TTLL7: variants seen among roughly 807,000 people sequenced by gnomAD.
TTLL7 encodes the protein tubulin polyglutamylase TTLL7.
In TTLL7, 53 loss-of-function variants were observed where a neutral mutation model predicts 120.2. The ratio of observed to expected loss-of-function variants is 0.44; its 90% confidence interval spans 0.35 to 0.55. TTLL7 has a LOEUF of 0.55. Ranked by LOEUF, TTLL7 falls within the 20% of genes least tolerant of loss-of-function variation. The probability of loss-of-function intolerance (pLI) is 0.00; values close to 1 mark genes in which losing one functional copy is unlikely to be tolerated. For missense variants in TTLL7, 803 were observed against 1,054.7 expected, an observed-to-expected ratio of 0.76 and a Z score of 3.31; for synonymous variants, 353 against 351.7, an observed-to-expected ratio of 1.00 and a Z score of -0.04.
chr1:83,921,380 C>T lies in TTLL7; in HGVS notation c.1157G>A (p.Arg386Lys), dbSNP rs1456463271. 1 of 1,611,164 alleles carries T rather than the reference C, an allele frequency of 6.2e-7. No homozygotes were observed. The highest frequency in any genetic ancestry group is 1.7e-5 in the Admixed American group (1 of 59,760). The change falls in exon 11 of 21, where the codon AGA becomes AAA. Residue 386 changes from arginine (R) to lysine (K), a missense_variant. By Grantham distance (26) the Arg-to-Lys change is conservative. Transcript: ENST00000260505. ...AGCTTTTTGTTTGGCCAAGTTTCTTCTTTTGTCACTGGTCCTAAAATATAA... is the reference window on the plus strand; with the variant it reads ...AGCTTTTTGTTTGGCCAAGTTTCTTTTTTTGTCACTGGTCCTAAAATATAA... ...KLLNIRTSDKRRNLAKQKAEA... is the reference protein window; with the variant it reads ...KLLNIRTSDKKRNLAKQKAEA...
At chr1:83,930,437 T>C (rs918001305) in intron 9 of TTLL7, among the ~76,000 whole-genome samples, 29 of 152,126 alleles carry the variant, frequency 1.9e-4, no homozygotes, top group African/African-American at 6.8e-4. Context: ...ATTTGTGATA[T>C]AGTCTCAAGG....
At chr1:83,892,702 A>ATG (rs1557567620) in intron 18 of TTLL7, among the ~76,000 whole-genome samples, 25 of 111,696 alleles carry the variant, frequency 2.2e-4, no homozygotes, top group South Asian at 2.9e-4. Flanking sequence ...GAACATATAT[A>ATG]TGAACATATG....
At chr1:83,988,854 G>A (rs990422317) in intron 1 of TTLL7, among the ~76,000 whole-genome samples, 56 of 151,924 alleles carry the variant, frequency 3.7e-4, no homozygotes, top group Non-Finnish European at 6.8e-4. Flanking sequence ...AACTAGAGGC[G>A]TGCACCCACC....
At chr1:83,989,617 G>A (rs111431448) in intron 1 of TTLL7, among the ~76,000 whole-genome samples, 107 of 152,158 alleles carry the variant, frequency 7.0e-4, no homozygotes, top group African/African-American at 2.4e-3. Flanking sequence ...TGTTCTTTTT[G>A]CTTAGGATTG....
chr1:83,904,479 G>A (rs966041789), intron 17 of TTLL7, among the ~76,000 whole-genome samples: 2 of 151,940 alleles, frequency 1.3e-5, no homozygotes, highest in Admixed American at 1.3e-4. Context: ...TAAGAAAAAT[G>A]TAAAAATTAG....
At chr1:83,959,398 A>C (rs1227815023) in intron 1 of TTLL7, among the ~76,000 whole-genome samples, 1 of 152,210 alleles carries the variant, frequency 6.6e-6, no homozygotes, top group Admixed American at 6.5e-5. Context: ...GGTGACTTAG[A>C]AATCACCTGG....
intron 19 of TTLL7, among the ~76,000 whole-genome samples, chr1:83,889,075 G>C (rs1011966253): frequency 6.6e-6 from 1 of 152,046 alleles, no homozygotes; most frequent in African/African-American, 2.4e-5. Context: ...ATTTACAAAG[G>C]AAAGAGGTTT....
intron 1 of TTLL7, among the ~76,000 whole-genome samples, chr1:83,964,524 T>A (rs1399011510): frequency 6.6e-6 from 1 of 151,956 alleles, no homozygotes; most frequent in African/African-American, 2.4e-5. Flanking sequence ...TTATTCTATA[T>A]CTTGTTAAGG....
chr1:83,976,386 G>A (rs1236667491), intron 1 of TTLL7, among the ~76,000 whole-genome samples: 1 of 151,880 alleles, frequency 6.6e-6, no homozygotes, highest in East Asian at 1.9e-4. Context: ...TAAAGTGTTT[G>A]CTTCAAATTT....
At chr1:83,962,665 T>A (rs1650112246) in intron 1 of TTLL7, among the ~76,000 whole-genome samples, 2 of 152,176 alleles carry the variant, frequency 1.3e-5, no homozygotes, top group African/African-American at 4.8e-5. Flanking sequence ...CTTACAGGTA[T>A]ACGTGGCCTG....
At chr1:83,942,323 T>C in intron 7 of TTLL7, 140 bp downstream of exon 7, 1 of 633,082 alleles carries the variant, frequency 1.6e-6, no homozygotes, top group Admixed American at 3.1e-5. Flanking sequence ...AGCAATCTTA[T>C]TTATGTACAC....
chr1:83,958,765 A>G (rs1557738706), intron 1 of TTLL7, among the ~76,000 whole-genome samples: 1 of 152,198 alleles, frequency 6.6e-6, no homozygotes, highest in African/African-American at 2.4e-5. Context: ...AATATTATTC[A>G]GATTGGATTT....
At chr1:83,981,130 A>T (rs1464487275) in intron 1 of TTLL7, 1 of 152,122 alleles carries the variant, frequency 6.6e-6, no homozygotes, top group Non-Finnish European at 1.5e-5. Context: ...GAAATAAAAA[A>T]TGAGGAAAAA....
At chr1:83,898,965 T>C (rs1384455410) in intron 18 of TTLL7, among the ~76,000 whole-genome samples, 1 of 151,954 alleles carries the variant, frequency 6.6e-6, no homozygotes, top group Non-Finnish European at 1.5e-5. Context: ...TGGTTTGCAC[T>C]GCTGGCTGGC....
intron 1 of TTLL7, among the ~76,000 whole-genome samples, chr1:83,992,057 T>A (rs1331439660): frequency 1.3e-5 from 2 of 152,168 alleles, no homozygotes; most frequent in Non-Finnish European, 2.9e-5. Flanking sequence ...ATACTCAAGA[T>A]AAATGTTTAA....
At chr1:83,887,699 G>A (rs1398511691) in intron 19 of TTLL7, among the ~76,000 whole-genome samples, 1 of 152,028 alleles carries the variant, frequency 6.6e-6, no homozygotes, top group African/African-American at 2.4e-5. Context: ...AATCTGCTTT[G>A]GGGAATGTCA....
intron 14 of TTLL7, among the ~76,000 whole-genome samples, chr1:83,912,164 T>C (rs1174631016): frequency 1.3e-5 from 2 of 152,088 alleles, no homozygotes; most frequent in Admixed American, 6.6e-5. Flanking sequence ...TAATATAATA[T>C]GAAGATCAGT....
intron 19 of TTLL7, among the ~76,000 whole-genome samples, chr1:83,884,817 T>A (rs1449420451): frequency 6.6e-6 from 1 of 151,686 alleles, no homozygotes. Flanking sequence ...GGCACATGTA[T>A]ACATGTGTAA....
chr1:83,892,914 AAAAG>A (rs68044148), intron 18 of TTLL7, among the ~76,000 whole-genome samples: 1 of 114,326 alleles, frequency 8.7e-6, no homozygotes, highest in Non-Finnish European at 1.9e-5. Flanking sequence ...GGAAAAAGAA[AAAAG>A]AAAGAAAAAG....
Sources: allele counts gnomAD v4.1 joint callset (sites outside exome capture counted in the v4.1 genomes callset), GRCh38; gene constraint gnomAD v4.1.1; transcripts MANE v1.5; gene names NCBI Gene and HGNC (gene_info 2026-07-23, HGNC 2026-07-21).